SLC25A48: variants seen among roughly 807,000 people sequenced by gnomAD.
The protein encoded by SLC25A48 is CTC-321K16.1.
A neutral mutation model predicts 32.2 loss-of-function variants in SLC25A48; 29 were observed. The ratio of observed to expected loss-of-function variants is 0.90; its 90% CI spans 0.67 to 1.23. The LOEUF (loss-of-function observed/expected upper bound fraction) is 1.23, where lower values mean the gene tolerates loss of function less well. Ranked by LOEUF, SLC25A48 falls within the 50% of genes most tolerant of loss-of-function variation. SLC25A48 has a pLI of 0.00. For synonymous variants in SLC25A48, 164 were observed against 172.3 expected (o/e 0.95, Z 0.38); for missense variants, 399 against 422.7 (o/e 0.94, Z 0.49).
At chr5:135,640,401 T>C (rs189304383) in intron 3 of SLC25A48, among the ~76,000 whole-genome samples, 1 of 152,080 alleles carries the variant, frequency 6.6e-6, no homozygotes, top group Non-Finnish European at 1.5e-5. Flanking sequence ...AAACATCAAC[T>C]TCAAAAGATC....
intron 1 of SLC25A48, among the ~76,000 whole-genome samples, chr5:135,590,617 A>G (rs17168698): frequency 0.08 from 12,192 of 151,934 alleles, 499 homozygotes; most frequent in South Asian, 0.15. Flanking sequence ...AGTGGAGGAG[A>G]ACAGAGACCT....
chr5:135,624,413 G>A (rs1752397374), intron 1 of SLC25A48, among the ~76,000 whole-genome samples: 1 of 152,150 alleles, frequency 6.6e-6, no homozygotes, highest in Non-Finnish European at 1.5e-5. Context: ...AAAATAAAAT[G>A]CATTGAATGA....
intron 7 of SLC25A48, among the ~76,000 whole-genome samples, chr5:135,882,020 G>A (rs1007141619): frequency 3.9e-5 from 6 of 152,204 alleles, no homozygotes; most frequent in Admixed American, 2.6e-4. Context: ...ACTGCTTCAG[G>A]ACAAAGGAGG....
chr5:135,667,551 T>C (rs1753553066), intron 3 of SLC25A48, among the ~76,000 whole-genome samples: 1 of 152,174 alleles, frequency 6.6e-6, no homozygotes, highest in Admixed American at 6.5e-5. Context: ...CTTGTTATTT[T>C]CTCTTAAAAA....
chr5:135,776,532 A>G (rs1258042115), intron 3 of SLC25A48, among the ~76,000 whole-genome samples: 1 of 151,906 alleles, frequency 6.6e-6, no homozygotes, highest in African/African-American at 2.4e-5. Flanking sequence ...TACTTTCAAT[A>G]TTGCAAGGTA....
At chr5:135,883,015 C>G in intron 7 of SLC25A48, 1 of 984,700 alleles carries the variant, frequency 1.0e-6, no homozygotes, top group Non-Finnish European at 1.2e-6. Context: ...TCCAAGATTT[C>G]AAGACTCCCG....
intron 3 of SLC25A48, among the ~76,000 whole-genome samples, chr5:135,756,809 TATC>T (rs1464656772): frequency 2.0e-5 from 3 of 151,892 alleles, no homozygotes; most frequent in South Asian, 2.1e-4. Context: ...ATTAATAAAA[TATC>T]ATCTAGATGA....
At position 135,879,989 on chromosome 5, in the gene SLC25A48, G is replaced by T; in HGVS notation, c.835G>T (p.Val279Leu). The change falls in exon 7 of 8, where the codon GTG becomes TTG. Residue 279 changes from valine (V) to leucine (L), a missense_variant. Transcript: ENST00000681962. ...GLKVFFRGIT[V>L]NAVRGFPMSA... ...AAAGGTGTTTTTCAGAGGCATCACT[G>T]TGAACGCGGTGCGGGGCTTCCCCAT... 1.3e-6 allele frequency: 2 copies of T among 1,536,438 alleles called. No homozygotes were observed. The highest frequency in any genetic ancestry group is 2.7e-5 in the African/African-American group (2 of 73,166).
At chr5:135,868,432 A>G (rs1030578891) in intron 4 of SLC25A48, among the ~76,000 whole-genome samples, 2 of 152,264 alleles carry the variant, frequency 1.3e-5, no homozygotes, top group Non-Finnish European at 2.9e-5. Context: ...TATAAAGGGC[A>G]TGCATGAAGA....
chr5:135,860,811 C>T (rs1285177878), intron 4 of SLC25A48, among the ~76,000 whole-genome samples: 1 of 152,176 alleles, frequency 6.6e-6, no homozygotes, highest in Non-Finnish European at 1.5e-5. Context: ...TGCCAGTCCA[C>T]TTCCAGGGCG....
At chr5:135,866,072 G>A (rs1012752639) in intron 4 of SLC25A48, among the ~76,000 whole-genome samples, 14 of 152,260 alleles carry the variant, frequency 9.2e-5, no homozygotes, top group Non-Finnish European at 1.3e-4. Flanking sequence ...TAGAACCCTC[G>A]TGAAAACCCA....
chr5:135,830,018 A>G (rs2126669490), upstream of SLC25A48, among the ~76,000 whole-genome samples: 1 of 151,744 alleles, frequency 6.6e-6, no homozygotes, highest in South Asian at 2.1e-4. Context: ...AGGTACAGAG[A>G]TTGGGGTGTC....
At chr5:135,606,496 C>G (rs1751934694) in intron 1 of SLC25A48, among the ~76,000 whole-genome samples, 1 of 152,182 alleles carries the variant, frequency 6.6e-6, no homozygotes, top group Non-Finnish European at 1.5e-5. Context: ...ATGGCAGGCT[C>G]TTTTCATCCT....
chr5:135,654,938 G>A (rs947458242), intron 3 of SLC25A48, among the ~76,000 whole-genome samples: 10 of 152,184 alleles, frequency 6.6e-5, no homozygotes, highest in African/African-American at 2.4e-4. Flanking sequence ...CAGAGTGGAT[G>A]CTCAATAAAT....
At chr5:135,756,696 A>G (rs1411169303) in intron 3 of SLC25A48, among the ~76,000 whole-genome samples, 1 of 152,100 alleles carries the variant, frequency 6.6e-6, no homozygotes. Flanking sequence ...TCTGTATGAT[A>G]CCTATAATAT....
At chr5:135,589,406 A>T (rs1311624898) in intron 1 of SLC25A48, among the ~76,000 whole-genome samples, 1 of 152,210 alleles carries the variant, frequency 6.6e-6, no homozygotes, top group Non-Finnish European at 1.5e-5. Context: ...GGTCCCTGAT[A>T]GGTGGCTGGG....
At chr5:135,658,956 T>C (rs745655693) in intron 3 of SLC25A48, among the ~76,000 whole-genome samples, 5 of 152,222 alleles carry the variant, frequency 3.3e-5, no homozygotes, top group African/African-American at 9.6e-5. Context: ...TTCCCTCTTA[T>C]GCCTCTAGAC....
At chr5:135,837,403 C>T (rs1333875233) in intron 1 of SLC25A48, among the ~76,000 whole-genome samples, 2 of 152,182 alleles carry the variant, frequency 1.3e-5, no homozygotes, top group Non-Finnish European at 2.9e-5. Flanking sequence ...GGTTAAATCA[C>T]CTCTACTAAC....
In SLC25A48 at chr5:135,783,307, C is replaced by T. The variant is rs1443200602; in HGVS notation, c.-520-29216C>T. ...GGAAGACAGAGGATCATACTACTCC[C>T]AATATTGCAGGGGGTGTACAATCCC... On this transcript the variant is annotated intron_variant, in intron 3 of 10. Coordinates refer to the SLC25A48 transcript ENST00000646290. Among the ~76,000 whole-genome samples the T allele has an allele frequency of 1.7e-5, 2 of 117,410 alleles. 1 individual carries two copies. The highest frequency in any genetic ancestry group is 4.2e-5 in the Non-Finnish European group (2 of 47,368). 77.0% of individuals were successfully genotyped at this position (117,410 alleles called of 152,430 possible). A position where few individuals can be genotyped will look rare whatever the true frequency, so the allele number is the denominator to read the frequency against.
Sources: allele counts gnomAD v4.1 joint callset (sites outside exome capture counted in the v4.1 genomes callset), GRCh38; gene constraint gnomAD v4.1.1; transcripts MANE v1.5; gene names NCBI Gene and HGNC (gene_info 2026-07-23, HGNC 2026-07-21).